Variants in TMEM38B observed in about 807,000 individuals in gnomAD.
TMEM38B encodes the protein trimeric intracellular cation channel type B.
A neutral mutation model predicts 28.7 loss-of-function variants in TMEM38B; 24 were observed. The ratio of observed to expected loss-of-function variants is 0.84; its 90% CI spans 0.61 to 1.18. The LOEUF is 1.18. TMEM38B is among the 50% of genes most tolerant of loss of function. The probability of loss-of-function intolerance (pLI) is 0.00; values close to 1 mark genes in which losing one functional copy is unlikely to be tolerated. For synonymous variants in TMEM38B, 131 were observed against 127.7 expected (o/e 1.03, Z -0.17); for missense variants, 380 against 350.9 (o/e 1.08, Z -0.66).
intron 1 of TMEM38B, among the ~76,000 whole-genome samples, chr9:105,695,967 A>T (rs571469567): frequency 3.0e-4 from 46 of 152,018 alleles, no homozygotes; most frequent in South Asian, 6.2e-4. Flanking sequence ...GATTAAAAAA[A>T]TTTTTTTTTG....
At chr9:105,733,402 G>T (rs1836841285) in intron 4 of TMEM38B, among the ~76,000 whole-genome samples, 1 of 149,084 alleles carries the variant, frequency 6.7e-6, no homozygotes. Context: ...AGAGATATTG[G>T]CTTGCAGTTT....
At chr9:105,702,346 T>G (rs1187186561) in intron 1 of TMEM38B, among the ~76,000 whole-genome samples, 1 of 152,178 alleles carries the variant, frequency 6.6e-6, no homozygotes, top group Non-Finnish European at 1.5e-5. Flanking sequence ...TTCCCATGCT[T>G]CTTTCTAGAA....
chr9:105,750,114 G>A (rs1837593508), intron 5 of TMEM38B, among the ~76,000 whole-genome samples: 1 of 152,134 alleles, frequency 6.6e-6, no homozygotes, highest in South Asian at 2.1e-4. Context: ...TATCTTTTTT[G>A]TGCTTGTTAG....
chr9:105,763,355 A>G (rs1196057617), intron 5 of TMEM38B, among the ~76,000 whole-genome samples: 1 of 152,106 alleles, frequency 6.6e-6, no homozygotes, highest in Non-Finnish European at 1.5e-5. Flanking sequence ...CTGAATGGTA[A>G]TGCCTAGGTT....
intron 5 of TMEM38B, chr9:105,760,183 A>T (rs184109856): frequency 2.2e-6 from 2 of 918,450 alleles, no homozygotes; most frequent in South Asian, 1.3e-5. Context: ...TTTAATGCGT[A>T]TGATTTCCCA....
chr9:105,701,532 C>T (rs545731066), intron 1 of TMEM38B: 2 of 152,272 alleles, frequency 1.3e-5, no homozygotes, highest in East Asian at 1.9e-4. Flanking sequence ...GATTTGACCC[C>T]GTAAAAATAC....
chr9:105,707,723 G>A (rs926530284), intron 2 of TMEM38B, among the ~76,000 whole-genome samples: 1 of 152,114 alleles, frequency 6.6e-6, no homozygotes, highest in Admixed American at 6.5e-5. Context: ...TGAGGCATAG[G>A]GAAATGCTGC....
At chr9:105,747,370 G>A (rs932642586) in intron 4 of TMEM38B, among the ~76,000 whole-genome samples, 11 of 152,184 alleles carry the variant, frequency 7.2e-5, no homozygotes, top group Non-Finnish European at 1.3e-4. Flanking sequence ...GTGTAGAGGT[G>A]TTTATAGTAT....
intron 5 of TMEM38B, chr9:105,760,004 G>T: frequency 6.8e-7 from 1 of 1,475,952 alleles, no homozygotes; most frequent in South Asian, 1.2e-5. Context: ...ATCAATAAAA[G>T]ACTCTGCAAA....
Position 105,773,906 on chromosome 9 carries a change from TC to T in TMEM38B, c.704del (p.Pro235LeufsTer6). On this transcript the variant is annotated frameshift_variant, in exon 6 of 6. Coordinates refer to ENST00000374692, the MANE Select transcript of TMEM38B (RefSeq NM_018112.3). LOFTEE classifies it low-confidence loss of function (END_TRUNC). ...TTQTSTMTFA[P>X]FEDTLSWMLF... ...CACAGACTTCTACTATGACATTTGCTCCTTTTGAGGATACATTGAGTTGGAT... is the reference window on the plus strand; with the variant it reads ...CACAGACTTCTACTATGACATTTGCTCTTTTGAGGATACATTGAGTTGGAT... The T allele has an allele frequency of 6.2e-7, 1 of 1,613,750 alleles. No individual in the cohort carries two copies. Among genetic ancestry groups the T allele is most frequent in the Non-Finnish European group, 8.5e-7 (1 of 1,179,730 alleles).
At chr9:105,716,392 A>ATGTGTGTGTG (rs1286846958) in intron 2 of TMEM38B, among the ~76,000 whole-genome samples, 1 of 151,410 alleles carries the variant, frequency 6.6e-6, no homozygotes, top group Non-Finnish European at 1.5e-5. Context: ...GTGTGTGTGT[A>ATGTGTGTGTG]TATTTCCAAA....
At chr9:105,748,031 C>G in intron 4 of TMEM38B, 42 bp from the exon 5 acceptor site, 1 of 1,329,500 alleles carries the variant, frequency 7.5e-7, no homozygotes, top group Non-Finnish European at 1.1e-6. Flanking sequence ...AGAGATATGT[C>G]ATATTTATTA....
chr9:105,740,989 A>G (rs144500106), intron 4 of TMEM38B, among the ~76,000 whole-genome samples: 102 of 152,288 alleles, frequency 6.7e-4, no homozygotes, highest in African/African-American at 2.2e-3. Flanking sequence ...TGTTCTTTGC[A>G]TATCTGCAAA....
intron 4 of TMEM38B, among the ~76,000 whole-genome samples, chr9:105,724,468 C>T (rs889020529): frequency 6.6e-5 from 10 of 151,886 alleles, no homozygotes; most frequent in African/African-American, 1.9e-4. Flanking sequence ...ACTAAAAATA[C>T]AAAAACTAAC....
At chr9:105,737,554 A>G (rs1463879925) in intron 4 of TMEM38B, among the ~76,000 whole-genome samples, 4 of 152,070 alleles carry the variant, frequency 2.6e-5, no homozygotes, top group Non-Finnish European at 2.9e-5. Flanking sequence ...TGACGACTCT[A>G]CTCTCTGAGG....
intron 4 of TMEM38B, among the ~76,000 whole-genome samples, chr9:105,745,039 A>G (rs1837338298): frequency 6.6e-6 from 1 of 152,220 alleles, no homozygotes; most frequent in Admixed American, 6.5e-5. Flanking sequence ...ATAATGCCGC[A>G]ATAAACATAT....
At chr9:105,699,383 G>A (rs2133543900) in intron 1 of TMEM38B, among the ~76,000 whole-genome samples, 2 of 152,174 alleles carry the variant, frequency 1.3e-5, no homozygotes, top group South Asian at 4.1e-4. Context: ...ATATCCTACT[G>A]CCAGAGTTCT....
At chr9:105,711,808 A>G (rs903525659) in intron 2 of TMEM38B, among the ~76,000 whole-genome samples, 1 of 150,718 alleles carries the variant, frequency 6.6e-6, no homozygotes, top group African/African-American at 2.4e-5. Flanking sequence ...CGTAGGAGTG[A>G]GACCCTGTCT....
At chr9:105,735,286 G>C (rs1362052444) in intron 4 of TMEM38B, among the ~76,000 whole-genome samples, 1 of 151,950 alleles carries the variant, frequency 6.6e-6, no homozygotes, top group African/African-American at 2.4e-5. Context: ...GACCATTTTG[G>C]CTTTTTATGT....
Sources: allele counts gnomAD v4.1 joint callset (sites outside exome capture counted in the v4.1 genomes callset), GRCh38; gene constraint gnomAD v4.1.1; transcripts MANE v1.5; gene names NCBI Gene and HGNC (gene_info 2026-07-23, HGNC 2026-07-21).